PID1: variants seen among roughly 807,000 people sequenced by gnomAD.
PID1 encodes phosphotyrosine interaction domain containing 1.
PID1 carries 10 observed loss-of-function variants against 19.1 expected under a neutral mutation model. The observed-to-expected ratio is 0.52, with a 90% confidence interval of 0.32 to 0.89. The LOEUF (loss-of-function observed/expected upper bound fraction) is 0.89. Ranked by LOEUF, PID1 falls within the 40% of genes least tolerant of loss-of-function variation. The probability of loss-of-function intolerance (pLI) is 0.03; values close to 1 mark genes in which losing one functional copy is unlikely to be tolerated. For synonymous variants in PID1, 130 were observed against 116.0 expected, an observed-to-expected ratio of 1.12 and a Z score of -0.78; for missense variants, 248 against 285.3, an observed-to-expected ratio of 0.87 and a Z score of 0.94.
At chr2:229,089,889 A>G (rs968278822) in intron 2 of PID1, among the ~76,000 whole-genome samples, 2 of 152,214 alleles carry the variant, frequency 1.3e-5, no homozygotes, top group African/African-American at 2.4e-5. Flanking sequence ...GAGGCCAGAG[A>G]GTAGAAAGAA....
At position 229,123,130 on chromosome 2, in the gene PID1, ATCACTCCAAAAAAAAACTCG is replaced by A. The variant is rs559645364; in HGVS notation, c.177+32668_177+32687del. On this transcript the variant is annotated intron_variant, in intron 2 of 2. Transcript: ENST00000392055. The stretch of plus-strand genomic sequence containing the variant: ...CACAATCTAATTTTAAAATATTTCT[ATCACTCCAAAAAAAAACTCG>A]TTATCTATTAGCAGCAACTCCATCC... Among the ~76,000 whole-genome samples, 73 of 152,148 alleles carry A rather than the reference ATCACTCCAAAAAAAAACTCG, an allele frequency of 4.8e-4. 3 individuals are homozygous for A. The South Asian group carries it at 0.015, about 30-fold the overall frequency.
intron 1 of PID1, among the ~76,000 whole-genome samples, chr2:229,224,010 A>C (rs1692027045): frequency 6.6e-6 from 1 of 152,034 alleles, no homozygotes; most frequent in African/African-American, 2.4e-5. Flanking sequence ...TTTAGTTCCC[A>C]TTTATAAGTG....
chr2:229,084,354 T>C (rs937900725), intron 2 of PID1, among the ~76,000 whole-genome samples: 1 of 152,220 alleles, frequency 6.6e-6, no homozygotes, highest in African/African-American at 2.4e-5. Flanking sequence ...TCTCTTGGCA[T>C]ATGCATGGGG....
intron 1 of PID1, among the ~76,000 whole-genome samples, chr2:229,253,185 G>T (rs1266432319): frequency 6.6e-6 from 1 of 152,112 alleles, no homozygotes; most frequent in African/African-American, 2.4e-5. Context: ...ACAGACTAAG[G>T]CCATGTCTTC....
chr2:229,036,281 T>A (rs1244708380), intron 2 of PID1, among the ~76,000 whole-genome samples: 2 of 152,202 alleles, frequency 1.3e-5, no homozygotes, highest in African/African-American at 4.8e-5. Flanking sequence ...ATGGTTGCAA[T>A]GGCTCCAGAG....
chr2:229,137,683 C>T (rs1450654794), intron 2 of PID1, among the ~76,000 whole-genome samples: 6 of 152,176 alleles, frequency 3.9e-5, no homozygotes, highest in Non-Finnish European at 8.8e-5. Context: ...GACTCTTCTA[C>T]TTAGAAGTGC....
chr2:229,213,298 A>G (rs1194892315), intron 1 of PID1, among the ~76,000 whole-genome samples: 1 of 152,260 alleles, frequency 6.6e-6, no homozygotes, highest in East Asian at 1.9e-4. Context: ...TGCCCTCCAC[A>G]TCCAATGCAC....
At chr2:229,255,763 C>G (rs1481085055) in intron 1 of PID1, among the ~76,000 whole-genome samples, 2 of 152,128 alleles carry the variant, frequency 1.3e-5, no homozygotes, top group African/African-American at 4.8e-5. Flanking sequence ...GTGCCTGGAA[C>G]CCCTCCCAGA....
At chr2:229,072,245 T>C (rs557936773) in intron 2 of PID1, among the ~76,000 whole-genome samples, 28 of 152,304 alleles carry the variant, frequency 1.8e-4, no homozygotes, top group African/African-American at 6.5e-4. Flanking sequence ...TTTTAAACTA[T>C]CTAACAAGTT....
intron 1 of PID1, among the ~76,000 whole-genome samples, chr2:229,189,923 T>A (rs113941569): frequency 2.0e-5 from 3 of 152,196 alleles, no homozygotes; most frequent in African/African-American, 7.2e-5. Context: ...ATGAGAAAGT[T>A]ATTCCCGTTT....
rs372055666 is a variant in PID1, at chr2:229,070,480, GAACATACAAAC to G, written c.178-44383_178-44373del. Reference sequence around the variant, plus strand: ...ATTATTTTTCTTCTGACAATATTTAGAACATACAAACAACACACAAGATGTAGCTAAGAAGC... The same window carrying G: ...ATTATTTTTCTTCTGACAATATTTAGAACACACAAGATGTAGCTAAGAAGC... On this transcript the variant is annotated intron_variant, in intron 2 of 2. Coordinates refer to ENST00000392055, the MANE Select transcript of PID1 (RefSeq NM_001100818.2). 1.7e-3 allele frequency among the ~76,000 whole-genome samples: 256 copies of G among 152,268 alleles called. 1 individual carries two copies. Among genetic ancestry groups the G allele is most frequent in the African/African-American group, 5.9e-3 (246 of 41,550 alleles).
intron 1 of PID1, among the ~76,000 whole-genome samples, chr2:229,192,992 G>T (rs1405211541): frequency 6.6e-6 from 1 of 152,166 alleles, no homozygotes; most frequent in Non-Finnish European, 1.5e-5. Flanking sequence ...GCACTTCAGA[G>T]ATTAGTATAG....
At chr2:229,218,061 T>C (rs1691885552) in intron 1 of PID1, among the ~76,000 whole-genome samples, 2 of 152,036 alleles carry the variant, frequency 1.3e-5, no homozygotes, top group Admixed American at 6.5e-5. Context: ...TTTATACATA[T>C]CTATCTCTGT....
intron 2 of PID1, among the ~76,000 whole-genome samples, chr2:229,042,364 A>G (rs1693789193): frequency 6.6e-6 from 1 of 152,230 alleles, no homozygotes; most frequent in African/African-American, 2.4e-5. Context: ...CCTTGGCTCC[A>G]TCTTAATTTA....
intron 1 of PID1, among the ~76,000 whole-genome samples, chr2:229,186,090 T>C (rs1691122741): frequency 6.6e-6 from 1 of 152,180 alleles, no homozygotes; most frequent in Admixed American, 6.5e-5. Flanking sequence ...CATGCAAGTC[T>C]GAAATCCAGC....
chr2:229,057,929 T>C (rs989841810), intron 2 of PID1, among the ~76,000 whole-genome samples: 2 of 152,150 alleles, frequency 1.3e-5, no homozygotes, highest in African/African-American at 4.8e-5. Flanking sequence ...AATGGGACAA[T>C]GATATTGTGC....
At chr2:229,233,584 C>T (rs550630426) in intron 1 of PID1, among the ~76,000 whole-genome samples, 9 of 151,714 alleles carry the variant, frequency 5.9e-5, no homozygotes, top group South Asian at 2.1e-4. Flanking sequence ...CTCCACCTCC[C>T]GGGTTCAAGC....
intron 1 of PID1, among the ~76,000 whole-genome samples, chr2:229,266,980 C>T (rs1690607097): frequency 6.6e-6 from 1 of 152,176 alleles, no homozygotes; most frequent in Non-Finnish European, 1.5e-5. Context: ...TCCAGTCTCA[C>T]TTCTCAGGGG....
chr2:229,225,509 T>C (rs1266747955), intron 1 of PID1, among the ~76,000 whole-genome samples: 1 of 152,062 alleles, frequency 6.6e-6, no homozygotes, highest in African/African-American at 2.4e-5. Context: ...AGGGCCAGGG[T>C]GTATTCACTT....
Sources: gnomAD v4.1 joint callset for allele counts (sites outside exome capture counted in the v4.1 genomes callset) on GRCh38, gnomAD v4.1.1 for gene constraint, MANE v1.5 for transcripts, NCBI Gene and HGNC (gene_info 2026-07-23, HGNC 2026-07-21) for gene names.